TAF2: variants seen among roughly 807,000 people sequenced by gnomAD.
The protein encoded by TAF2 is transcription initiation factor TFIID subunit 2.
In TAF2, 61 loss-of-function variants were observed where a neutral mutation model predicts 138.5. The ratio of observed to expected loss-of-function variants is 0.44; its 90% CI spans 0.36 to 0.54. The LOEUF (loss-of-function observed/expected upper bound fraction) is 0.54. Among genes scored for constraint, TAF2 ranks in the 20% least tolerant of loss-of-function variants. The pLI is 0.00. For missense variants in TAF2, 1,090 were observed against 1,427.9 expected, an observed-to-expected ratio of 0.76 and a Z score of 3.81; for synonymous variants, 475 against 469.9, an observed-to-expected ratio of 1.01 and a Z score of -0.14.
intron 2 of TAF2, among the ~76,000 whole-genome samples, chr8:119,822,318 C>A (rs1825848220): frequency 6.6e-6 from 1 of 151,730 alleles, no homozygotes; most frequent in Non-Finnish European, 1.5e-5. Context: ...ATCTTCCAGG[C>A]TCAAGTGATC....
At chr8:119,743,867 T>A (rs1819768279) in intron 24 of TAF2, among the ~76,000 whole-genome samples, 1 of 152,162 alleles carries the variant, frequency 6.6e-6, no homozygotes, top group African/African-American at 2.4e-5. Flanking sequence ...GAAAACATGC[T>A]TTTTGAATGA....
rs1826523728 is a variant in TAF2, at chr8:119,832,462, G to A, written c.83+20C>T. The A allele has an allele frequency of 1.9e-6, 3 of 1,610,406 alleles. No individual in the cohort carries two copies. The highest frequency in any genetic ancestry group is 1.1e-5 in the South Asian group (1 of 90,978). ...GGCAACAAAACCAAAAGGAAGGAAG[G>A]GAAATGAAAAAATACTTATAATTTA... On this transcript the variant is annotated intron_variant, in intron 1 of 25. Transcript: ENST00000378164.
intron 14 of TAF2, among the ~76,000 whole-genome samples, chr8:119,787,026 T>A (rs188262157): frequency 6.6e-6 from 1 of 152,086 alleles, no homozygotes; most frequent in Non-Finnish European, 1.5e-5. Context: ...ACCAAAAGCA[T>A]TGGCAACAAA....
intron 3 of TAF2, among the ~76,000 whole-genome samples, chr8:119,818,889 C>T (rs368790737): frequency 1.3e-5 from 2 of 151,994 alleles, no homozygotes; most frequent in African/African-American, 2.4e-5. Context: ...GGTGAAGAAA[C>T]GAGCTACTTT....
intron 12 of TAF2, 47 bp from the exon 13 acceptor site, chr8:119,788,951 T>C (rs1476918558): frequency 1.7e-6 from 2 of 1,207,928 alleles, no homozygotes; most frequent in South Asian, 1.2e-5. Flanking sequence ...GAATATGTAC[T>C]AAACAAAGTA....
chr8:119,803,683 G>C (rs1489493468), intron 5 of TAF2, among the ~76,000 whole-genome samples, 195 bp downstream of exon 5: 2 of 140,230 alleles, frequency 1.4e-5, no homozygotes, highest in African/African-American at 5.5e-5. Flanking sequence ...GACAGAGCAA[G>C]ACTGTCTGAA....
In TAF2 at chr8:119,807,403, T is replaced by C. The variant is rs1040378105; in HGVS notation, c.300-1002A>G. Among the ~76,000 whole-genome samples, 7 of 151,998 alleles carry C rather than the reference T, an allele frequency of 4.6e-5. No homozygotes were observed. The Admixed American group carries it at 4.6e-4, about 10-fold the overall frequency. ...TAAAAGCAACTTATATGTGTACATA[T>C]ACACATATTACATTTCCTCACTGAA... On this transcript the variant is annotated intron_variant, in intron 3 of 25. Coordinates refer to ENST00000378164, the MANE Select transcript of TAF2 (RefSeq NM_003184.4).
intron 18 of TAF2, among the ~76,000 whole-genome samples, chr8:119,766,256 G>A (rs780698900): frequency 2.0e-5 from 3 of 152,118 alleles, no homozygotes; most frequent in Admixed American, 2.0e-4. Flanking sequence ...TTCTGGCAAT[G>A]TCTAGAGAGA....
intron 25 of TAF2, among the ~76,000 whole-genome samples, chr8:119,737,445 G>C (rs1199428932): frequency 6.6e-6 from 1 of 151,626 alleles, no homozygotes; most frequent in Non-Finnish European, 1.5e-5. Flanking sequence ...CAGATACAGG[G>C]GCCTCATTAT....
chr8:119,797,179 C>T lies in TAF2; in HGVS notation c.978-76G>A, dbSNP rs1823887517. ...ATTCAGTGAAAATAAAATAATTCCA[C>T]TTTTAAAACAATGGAAGCTAAATAG... On this transcript the variant is annotated intron_variant, in intron 7 of 25. Transcript: ENST00000378164. The T allele has an allele frequency of 2.2e-5, 24 of 1,081,474 alleles. No individual in the cohort carries two copies. In the South Asian group the frequency reaches 3.1e-4, roughly 14 times the overall value. The allele number at this position is 1,081,474 out of a possible 1,614,324, so 67.0% of individuals were successfully genotyped here. A position where few individuals can be genotyped will look rare whatever the true frequency, so the allele number is the denominator to read the frequency against.
intron 2 of TAF2, among the ~76,000 whole-genome samples, chr8:119,819,782 C>T (rs1180714781): frequency 6.6e-6 from 1 of 151,476 alleles, no homozygotes; most frequent in Non-Finnish European, 1.5e-5. Context: ...TCACTACTCT[C>T]AAAAACCAGA....
chr8:119,783,293 T>A, intron 16 of TAF2, 88 bp downstream of exon 16: 1 of 1,507,166 alleles, frequency 6.6e-7, no homozygotes. Context: ...ACCAAGTAAA[T>A]TTAAAGACTA....
intron 8 of TAF2, 51 bp from the exon 9 acceptor site, chr8:119,795,682 GATA>G: frequency 6.8e-7 from 1 of 1,474,970 alleles, no homozygotes; most frequent in Non-Finnish European, 9.5e-7. Flanking sequence ...AAACTCCTCA[GATA>G]ATGTCAAAGA....
At chr8:119,732,457 A>G (rs1321486440) in intron 25 of TAF2, among the ~76,000 whole-genome samples, 1 of 152,174 alleles carries the variant, frequency 6.6e-6, no homozygotes, top group Non-Finnish European at 1.5e-5. Context: ...TTAAAAATTA[A>G]TATTTTCTAA....
At chr8:119,821,257 T>G (rs1368741902) in intron 2 of TAF2, among the ~76,000 whole-genome samples, 1 of 152,202 alleles carries the variant, frequency 6.6e-6, no homozygotes, top group Non-Finnish European at 1.5e-5. Context: ...CCTTAGCCAC[T>G]GGCATAACTG....
chr8:119,810,147 A>G (rs531967961), intron 3 of TAF2, among the ~76,000 whole-genome samples: 2 of 151,768 alleles, frequency 1.3e-5, no homozygotes, highest in South Asian at 2.1e-4. Context: ...AAATTTTAAC[A>G]TATGTACAGA....
chr8:119,775,371 C>T (rs17817611), intron 18 of TAF2, among the ~76,000 whole-genome samples: 1 of 150,360 alleles, frequency 6.7e-6, no homozygotes, highest in East Asian at 2.0e-4. Context: ...GTTTTGGGTA[C>T]ATTTGAGGGC....
intron 7 of TAF2, 102 bp from the exon 8 acceptor site, chr8:119,797,205 A>AG (rs1418321084): frequency 4.5e-6 from 4 of 879,372 alleles, no homozygotes; most frequent in African/African-American, 1.7e-5. Flanking sequence ...AGCTAAATAG[A>AG]GAAAAAATTC....
At chr8:119,789,472 A>C in intron 12 of TAF2, 120 bp downstream of exon 12, 1 of 1,213,960 alleles carries the variant, frequency 8.2e-7, no homozygotes, top group South Asian at 1.2e-5. Flanking sequence ...ACCATTGTTT[A>C]GAAATATAAA....
Sources: allele counts gnomAD v4.1 joint callset (sites outside exome capture counted in the v4.1 genomes callset), GRCh38; gene constraint gnomAD v4.1.1; transcripts MANE v1.5; gene names NCBI Gene and HGNC (gene_info 2026-07-23, HGNC 2026-07-21).